Variants in SLC26A8 observed in about 807,000 individuals in gnomAD.
SLC26A8 encodes the protein testis anion transporter 1.
Under a neutral mutation model 105.0 loss-of-function variants are expected in SLC26A8, and 70 were observed. The ratio of observed to expected loss-of-function variants is 0.67; its 90% CI spans 0.55 to 0.81. The LOEUF (loss-of-function observed/expected upper bound fraction) is 0.81, where lower values mean the gene tolerates loss of function less well. Among genes scored for constraint, SLC26A8 ranks in the 40% least tolerant of loss-of-function variants. The pLI is 0.00. For synonymous variants in SLC26A8, 415 were observed against 438.3 expected, an observed-to-expected ratio of 0.95 and a Z score of 0.66; for missense variants, 998 against 1,181.8, an observed-to-expected ratio of 0.84 and a Z score of 2.28.
chr6:35,966,041 T>C (rs1217167560), intron 11 of SLC26A8, among the ~76,000 whole-genome samples: 2 of 151,454 alleles, frequency 1.3e-5, no homozygotes, highest in African/African-American at 4.9e-5. Flanking sequence ...GGTCATGAAA[T>C]TCCTGTATTG....
intron 8 of SLC26A8, among the ~76,000 whole-genome samples, chr6:35,978,729 T>C (rs558150016): frequency 6.6e-5 from 10 of 152,262 alleles, no homozygotes; most frequent in African/African-American, 2.2e-4. Context: ...TTCTTGCATT[T>C]AAAATTTTAT....
chr6:35,946,231 TTTTTG>T (rs769712945), intron 19 of SLC26A8, among the ~76,000 whole-genome samples: 6 of 152,282 alleles, frequency 3.9e-5, no homozygotes, highest in African/African-American at 1.4e-4. Flanking sequence ...CACTTGAATT[TTTTTG>T]TTTTGTTTTG....
chr6:35,976,701 C>T (rs868114164), intron 9 of SLC26A8, among the ~76,000 whole-genome samples: 6 of 151,640 alleles, frequency 4.0e-5, no homozygotes, highest in Non-Finnish European at 7.4e-5. Flanking sequence ...CCACCATGCC[C>T]GGCTAATTTT....
chr6:36,001,342 A>G (rs889787030), intron 3 of SLC26A8, among the ~76,000 whole-genome samples: 2 of 152,024 alleles, frequency 1.3e-5, no homozygotes, highest in Non-Finnish European at 2.9e-5. Flanking sequence ...GTTAGCCAGG[A>G]TGGTCTCGAT....
At chr6:35,976,681 C>T (rs1394198747) in intron 9 of SLC26A8, among the ~76,000 whole-genome samples, 1 of 151,340 alleles carries the variant, frequency 6.6e-6, no homozygotes, top group Non-Finnish European at 1.5e-5. Context: ...GCTGGGAGCA[C>T]AGGCGCCCGC....
chr6:35,990,768 T>C (rs907034704), intron 7 of SLC26A8, among the ~76,000 whole-genome samples: 1 of 152,212 alleles, frequency 6.6e-6, no homozygotes, highest in African/African-American at 2.4e-5. Context: ...AGTGAATAAC[T>C]GAAAATACTA....
At chr6:35,960,963 G>C (rs369969495) in intron 13 of SLC26A8, 30 bp downstream of exon 13, 1 of 1,613,786 alleles carries the variant, frequency 6.2e-7, no homozygotes, top group South Asian at 1.1e-5. Context: ...ACCTTGCCTT[G>C]TTAACCTCCT....
chr6:35,981,124 CCT>C lies in SLC26A8; in HGVS notation c.1025+995_1025+996del, dbSNP rs969570834. On this transcript the variant is annotated intron_variant, in intron 8 of 19. Coordinates refer to ENST00000490799, the MANE Select transcript of SLC26A8 (RefSeq NM_052961.4). This position sits in a 1 kb window ranked among gnomAD's most constrained non-coding sequence, Gnocchi z 4.0. ...GGAAATGGGCAATGCTCTTCAAAAG[CCT>C]CTCTGTGAGTCAAGAAACTGCAGTA... Among the ~76,000 whole-genome samples the C allele has an allele frequency of 2.6e-5, 4 of 152,114 alleles. No individual in the cohort carries two copies. Among genetic ancestry groups the C allele is most frequent in the Non-Finnish European group, 4.4e-5 (3 of 68,014 alleles).
chr6:36,018,808 AGAGGT>A (rs1328359228), intron 2 of SLC26A8, among the ~76,000 whole-genome samples: 1 of 152,256 alleles, frequency 6.6e-6, no homozygotes, highest in Non-Finnish European at 1.5e-5. Context: ...AGCGGGTATC[AGAGGT>A]GGTGGTGGTA....
At chr6:35,994,718 G>C (rs916420609) in intron 5 of SLC26A8, among the ~76,000 whole-genome samples, 1 of 152,062 alleles carries the variant, frequency 6.6e-6, no homozygotes, top group South Asian at 2.1e-4. Flanking sequence ...TGGGATTACA[G>C]GTGCCCAGCA....
At chr6:36,023,546 CAAAAAAAA>C (rs59633591) in intron 1 of SLC26A8, among the ~76,000 whole-genome samples, 1 of 63,520 alleles carries the variant, frequency 1.6e-5, no homozygotes, top group Non-Finnish European at 3.2e-5. Flanking sequence ...GACTCTGTCT[CAAAAAAAA>C]AAAAAAAAAA....
At chr6:35,948,530 A>G (rs1238261975) in intron 19 of SLC26A8, among the ~76,000 whole-genome samples, 1 of 152,196 alleles carries the variant, frequency 6.6e-6, no homozygotes, top group Non-Finnish European at 1.5e-5. Context: ...CGGAGGTTGC[A>G]GTGAGCCGAG....
intron 19 of SLC26A8, among the ~76,000 whole-genome samples, chr6:35,946,623 C>T (rs1771685749): frequency 6.6e-6 from 1 of 152,188 alleles, no homozygotes; most frequent in South Asian, 2.1e-4. Context: ...TTGACATATT[C>T]AATACCAAGT....
intron 3 of SLC26A8, among the ~76,000 whole-genome samples, chr6:36,003,203 G>A (rs1182400792): frequency 2.0e-5 from 3 of 151,972 alleles, no homozygotes; most frequent in African/African-American, 7.3e-5. Context: ...TTACATTTAG[G>A]TCTTTAATCA....
At chr6:35,991,507 A>G (rs1761158416) in intron 7 of SLC26A8, 152 bp downstream of exon 7, 11 of 549,614 alleles carry the variant, frequency 2.0e-5, no homozygotes, top group Admixed American at 1.2e-4. Flanking sequence ...GTAGTATTAA[A>G]ATATTTTAGA....
intron 11 of SLC26A8, among the ~76,000 whole-genome samples, chr6:35,963,033 C>A (rs894524902): frequency 6.6e-6 from 1 of 152,142 alleles, no homozygotes; most frequent in Non-Finnish European, 1.5e-5. Flanking sequence ...GTCAGGCCAA[C>A]GTCAAGGCCT....
chr6:35,945,074 T>C (rs1028758940), intron 19 of SLC26A8, among the ~76,000 whole-genome samples: 6 of 152,184 alleles, frequency 3.9e-5, no homozygotes, highest in Non-Finnish European at 7.3e-5. Context: ...GGTCTCAAAC[T>C]CCTGAGCTCA....
At chr6:35,951,943 A>T (rs1771892360) in intron 17 of SLC26A8, among the ~76,000 whole-genome samples, 1 of 152,160 alleles carries the variant, frequency 6.6e-6, no homozygotes, top group Non-Finnish European at 1.5e-5. Context: ...TTGCATCCCA[A>T]TTCAGCTCTA....
At chr6:35,962,059 C>T (rs995204994) in intron 12 of SLC26A8, among the ~76,000 whole-genome samples, 18 of 152,070 alleles carry the variant, frequency 1.2e-4, no homozygotes, top group Admixed American at 4.6e-4. Flanking sequence ...AACCCTGTCT[C>T]TACTAAAAAT....
Sources: allele counts gnomAD v4.1 joint callset (sites outside exome capture counted in the v4.1 genomes callset), GRCh38; gene constraint gnomAD v4.1.1; non-coding constraint Gnocchi (gnomAD v3.1); transcripts MANE v1.5; gene names NCBI Gene and HGNC (gene_info 2026-07-23, HGNC 2026-07-21).